Variants in CLASP1 observed in about 807,000 individuals in gnomAD.
CLASP1 encodes cytoplasmic linker associated protein 1.
A neutral mutation model predicts 192.3 loss-of-function variants in CLASP1; 38 were observed. The observed-to-expected ratio is 0.20, with a 90% CI of 0.15 to 0.26. The LOEUF (loss-of-function observed/expected upper bound fraction) is 0.26. Among genes scored for constraint, CLASP1 ranks in the 10% least tolerant of loss-of-function variants. The pLI is 1.00. For missense variants in CLASP1, 1,433 were observed against 1,932.5 expected, an observed-to-expected ratio of 0.74 and a Z score of 4.85; for synonymous variants, 691 against 712.8, an observed-to-expected ratio of 0.97 and a Z score of 0.49.
intron 5 of CLASP1, 147 bp from the exon 6 acceptor site, chr2:121,526,067 C>T: frequency 1.6e-6 from 1 of 640,898 alleles, no homozygotes; most frequent in Non-Finnish European, 2.8e-6. Flanking sequence ...CACACTGGCT[C>T]CAAAGTAAAT....
Position 121,530,929 on chromosome 2 carries a change from G to C in CLASP1, c.196-604C>G, listed in dbSNP as rs181195449. ...CTACTGTCCAATGAGCGCATAGTGA[G>C]GGCAGTACTGCTAACGCCTGAACAA... On this transcript the variant is annotated intron_variant, in intron 2 of 39. Coordinates refer to ENST00000263710, the Ensembl canonical transcript of CLASP1. The C allele has an allele frequency of 1.1e-5, 8 of 700,232 alleles. No individual in the cohort carries two copies. The highest frequency in any genetic ancestry group is 3.5e-5 in the African/African-American group (2 of 57,160). The allele number at this position is 700,232 out of a possible 1,614,324, so 43.4% of individuals were successfully genotyped here.
Position 121,550,032 on chromosome 2 carries a change from A to C in CLASP1, c.196-19707T>G, listed in dbSNP as rs1383860049. On this transcript the variant is annotated intron_variant, in intron 2 of 39. Coordinates refer to ENST00000263710, the Ensembl canonical transcript of CLASP1. Reference sequence around the variant, plus strand: ...AAAAAAAAAAAAAAAAAAAAACCTGAAATCACACCAAACACACTCTTGGAC... The same window carrying C: ...AAAAAAAAAAAAAAAAAAAAACCTGCAATCACACCAAACACACTCTTGGAC... Among the ~76,000 whole-genome samples, 3 of 150,920 alleles carry C rather than the reference A, an allele frequency of 2.0e-5. No homozygotes were observed. The East Asian group carries it at 5.8e-4, about 29-fold the overall frequency.
intron 19 of CLASP1, among the ~76,000 whole-genome samples, chr2:121,433,987 G>C (rs970260044): frequency 2.6e-5 from 4 of 152,044 alleles, no homozygotes; most frequent in Non-Finnish European, 5.9e-5. Flanking sequence ...CAATTATCCA[G>C]TCTTTGATAC....
At chr2:121,581,097 T>C (rs1440505691) in intron 2 of CLASP1, among the ~76,000 whole-genome samples, 1 of 152,134 alleles carries the variant, frequency 6.6e-6, no homozygotes, top group Non-Finnish European at 1.5e-5. Context: ...GTGTGTCATT[T>C]TGGTAATGGC....
intron 9 of CLASP1, among the ~76,000 whole-genome samples, chr2:121,469,406 C>T (rs1422993606): frequency 5.9e-5 from 9 of 152,188 alleles, no homozygotes; most frequent in Admixed American, 5.2e-4. Context: ...ACAGGAGTTA[C>T]AGTGTGACTT....
chr2:121,487,445 A>G (rs1430321434), intron 8 of CLASP1, among the ~76,000 whole-genome samples: 2 of 152,202 alleles, frequency 1.3e-5, no homozygotes, highest in Non-Finnish European at 2.9e-5. Context: ...CAGCGTATTC[A>G]GCATTCCTTA....
intron 33 of CLASP1, 83 bp from the exon 35 acceptor site, chr2:121,377,732 T>C (rs1302618385): frequency 2.1e-6 from 2 of 958,046 alleles, no homozygotes; most frequent in Non-Finnish European, 3.0e-6. Context: ...TCCCACAATT[T>C]AAAGAATAAG....
intron 8 of CLASP1, among the ~76,000 whole-genome samples, chr2:121,471,321 T>C (rs1309392691): frequency 1.3e-5 from 2 of 152,096 alleles, no homozygotes; most frequent in Non-Finnish European, 2.9e-5. Context: ...AAAATCAACA[T>C]ATTTATGCAA....
In CLASP1 at chr2:121,551,798, T is replaced by G. The variant is rs1049634331; in HGVS notation, c.196-21473A>C. Among the ~76,000 whole-genome samples the G allele has an allele frequency of 5.9e-5, 9 of 152,172 alleles. No homozygotes were observed. In the East Asian group the frequency reaches 1.5e-3, roughly 26 times the overall value. ...CCAAAGCAATTTACAGATTCAGTGC[T>G]ATTCCTATCAAAACTACCACTGACA... On this transcript the variant is annotated intron_variant, in intron 2 of 39. Transcript: ENST00000263710.
At chr2:121,371,078 A>T (rs1190072045) in intron 34 of CLASP1, among the ~76,000 whole-genome samples, 1 of 152,186 alleles carries the variant, frequency 6.6e-6, no homozygotes, top group Non-Finnish European at 1.5e-5. Flanking sequence ...CTACACACAT[A>T]TATGTATAAA....
intron 39 of CLASP1, among the ~76,000 whole-genome samples, chr2:121,342,493 A>C (rs1199272778): frequency 6.6e-6 from 1 of 152,190 alleles, no homozygotes; most frequent in Non-Finnish European, 1.5e-5. Flanking sequence ...CTGAAGAGGG[A>C]AATTTAGAGT....
Position 121,367,585 on chromosome 2 carries a change from A to G in CLASP1, c.3886+3T>C. 1 of 1,614,038 alleles carries G rather than the reference A, an allele frequency of 6.2e-7. No individual in the cohort carries two copies. Among genetic ancestry groups the G allele is most frequent in the East Asian group, 2.2e-5 (1 of 44,874 alleles). On this transcript the variant is annotated splice_donor_region_variant and intron_variant, in intron 35 of 39. Transcript: ENST00000263710. ...GGGGACAGTTAAGAAAAGAGACACC[A>G]ACCGTCTCGAAGCTGCTCCATGTCG... is the stretch of plus-strand genomic sequence containing the variant.
chr2:121,609,525 T>C (rs992377653), intron 1 of CLASP1, among the ~76,000 whole-genome samples: 1 of 152,248 alleles, frequency 6.6e-6, no homozygotes. Flanking sequence ...TTCATGTTTT[T>C]GTGTGTTTTC....
At chr2:121,577,737 C>T (rs1298646780) in intron 2 of CLASP1, among the ~76,000 whole-genome samples, 1 of 152,068 alleles carries the variant, frequency 6.6e-6, no homozygotes, top group African/African-American at 2.4e-5. Context: ...GAATAAAATA[C>T]TGAAAGCAAT....
intron 2 of CLASP1, among the ~76,000 whole-genome samples, chr2:121,588,344 A>T (rs1280547287): frequency 2.0e-5 from 3 of 152,214 alleles, no homozygotes; most frequent in Non-Finnish European, 4.4e-5. Flanking sequence ...AAGAATTCAA[A>T]CTTCACATTT....
At chr2:121,395,872 G>C (rs938931148) in intron 30 of CLASP1, among the ~76,000 whole-genome samples, 1 of 152,182 alleles carries the variant, frequency 6.6e-6, no homozygotes, top group Non-Finnish European at 1.5e-5. Flanking sequence ...TAGTCCTGAA[G>C]ATACTGAGGA....
At chr2:121,376,526 T>TGGGGAAGGGGG (rs2070196783) in intron 34 of CLASP1, among the ~76,000 whole-genome samples, 1 of 105,130 alleles carries the variant, frequency 9.5e-6, no homozygotes, top group Non-Finnish European at 1.9e-5. Flanking sequence ...TGGGAAGGGG[T>TGGGGAAGGGGG]GGGGGGGGGG....
chr2:121,478,843 A>AC (rs1559368112), intron 8 of CLASP1, among the ~76,000 whole-genome samples: 13 of 47,772 alleles, frequency 2.7e-4, no homozygotes, highest in African/African-American at 7.0e-4. Flanking sequence ...CACACCACAC[A>AC]CACACCACAC....
At chr2:121,530,314 C>T (rs1469650274) in exon 3 of CLASP1, 1 of 1,550,708 alleles carries the variant, frequency 6.4e-7, no homozygotes, top group African/African-American at 1.4e-5. Flanking sequence ...TGTCCATGCC[C>T]AGCAGAACCA....
Sources: allele counts gnomAD v4.1 joint callset (sites outside exome capture counted in the v4.1 genomes callset), GRCh38; gene constraint gnomAD v4.1.1; transcripts MANE v1.5; gene names NCBI Gene and HGNC (gene_info 2026-07-23, HGNC 2026-07-21).